The following CCNY variants were observed in gnomAD, a reference collection of about 807,000 sequenced individuals.
The protein encoded by CCNY is cyclin Y.
Under a neutral mutation model 42.8 loss-of-function variants are expected in CCNY, and 19 were observed. The ratio of observed to expected loss-of-function variants is 0.44; its 90% CI spans 0.31 to 0.65. The LOEUF is 0.65. CCNY is among the 30% of genes least tolerant of loss of function. CCNY has a pLI of 0.07. For missense variants in CCNY, 370 were observed against 437.3 expected (o/e 0.85, Z 1.37); for synonymous variants, 165 against 162.7 (o/e 1.01, Z -0.11).
At chr10:35,276,597 G>A (rs897844827) in intron 3 of CCNY, among the ~76,000 whole-genome samples, 1 of 152,080 alleles carries the variant, frequency 6.6e-6, no homozygotes, top group African/African-American at 2.4e-5. Flanking sequence ...TGTTCCCCAG[G>A]CTGGTCTCAA....
intron 1 of CCNY, among the ~76,000 whole-genome samples, chr10:35,344,571 T>A (rs991672482): frequency 2.6e-5 from 4 of 151,954 alleles, no homozygotes; most frequent in African/African-American, 9.7e-5. Flanking sequence ...ATACTTTATT[T>A]CTTTTTTACT....
intron 1 of CCNY, among the ~76,000 whole-genome samples, chr10:35,436,296 T>C (rs554128139): frequency 6.6e-6 from 1 of 152,246 alleles, no homozygotes; most frequent in Non-Finnish European, 1.5e-5. Flanking sequence ...CTGATCCTTA[T>C]GGGTCCCCCA....
intron 7 of CCNY, among the ~76,000 whole-genome samples, chr10:35,541,472 T>C (rs1840999325): frequency 1.3e-5 from 2 of 152,244 alleles, no homozygotes; most frequent in Non-Finnish European, 2.9e-5. Flanking sequence ...TTCATGGCTC[T>C]CTGCAGTCTC....
At chr10:35,468,859 A>G (rs112359510) in intron 1 of CCNY, among the ~76,000 whole-genome samples, 1 of 152,192 alleles carries the variant, frequency 6.6e-6, no homozygotes, top group African/African-American at 2.4e-5. Context: ...AGTTGCTGGG[A>G]GATTGGGCAG....
At chr10:35,400,311 G>A (rs1433673473) in intron 1 of CCNY, among the ~76,000 whole-genome samples, 2 of 152,028 alleles carry the variant, frequency 1.3e-5, no homozygotes, top group Non-Finnish European at 2.9e-5. Flanking sequence ...TTCCCCTCTT[G>A]GAGAGGAAGC....
intron 7 of CCNY, among the ~76,000 whole-genome samples, chr10:35,539,981 T>G (rs1840965834): frequency 6.6e-6 from 1 of 152,228 alleles, no homozygotes; most frequent in Non-Finnish European, 1.5e-5. Flanking sequence ...CAGTAGATTC[T>G]TTAGAATGTT....
chr10:35,503,434 C>T (rs1049700257), intron 3 of CCNY, among the ~76,000 whole-genome samples: 3 of 152,192 alleles, frequency 2.0e-5, no homozygotes, highest in African/African-American at 4.8e-5. Flanking sequence ...TGCAAATGAG[C>T]GCCATCAGTC....
intron 3 of CCNY, among the ~76,000 whole-genome samples, chr10:35,263,356 CAAAAAAAAAAAA>C (rs71523372): frequency 2.3e-5 from 1 of 44,298 alleles, no homozygotes; most frequent in Non-Finnish European, 4.1e-5. Flanking sequence ...GACTCCGTCT[CAAAAAAAAAAAA>C]AAAAAAAAAA....
At chr10:35,256,954 A>G (rs546187679) in intron 3 of CCNY, among the ~76,000 whole-genome samples, 2 of 152,304 alleles carry the variant, frequency 1.3e-5, no homozygotes, top group African/African-American at 4.8e-5. Flanking sequence ...TAATTTTTAA[A>G]AATGTATTAG....
At chr10:35,352,587 A>C (rs1264842751) in intron 1 of CCNY, among the ~76,000 whole-genome samples, 1 of 152,250 alleles carries the variant, frequency 6.6e-6, no homozygotes, top group African/African-American at 2.4e-5. Context: ...ACCATTGGTC[A>C]GTCCAAGTTC....
In CCNY at chr10:35,571,423, T is replaced by C. The variant is rs1213509053; in HGVS notation, c.*2253T>C. 1 of 152,394 alleles carries C rather than the reference T, an allele frequency of 6.6e-6. No individual in the cohort carries two copies. The highest frequency in any genetic ancestry group is 2.4e-5 in the African/African-American group (1 of 41,470). The allele number at this position is 152,394 out of a possible 1,614,324, so 9.4% of individuals were successfully genotyped here. On this transcript the variant is annotated 3_prime_UTR_variant, in exon 10 of 10. Transcript: ENST00000374704. ...CAGACTCAAGTCTTGTTTAGACTACTGAATACTGTTTTAGCCTGTGCCCTG... is the reference window on the plus strand; with the variant it reads ...CAGACTCAAGTCTTGTTTAGACTACCGAATACTGTTTTAGCCTGTGCCCTG...
intron 1 of CCNY, among the ~76,000 whole-genome samples, chr10:35,406,007 C>T (rs575566913): frequency 4.6e-5 from 7 of 152,170 alleles, no homozygotes; most frequent in Non-Finnish European, 8.8e-5. Context: ...GTTTGGAGTT[C>T]TTGTGTGCTG....
chr10:35,258,926 A>G (rs1376486244), intron 3 of CCNY, among the ~76,000 whole-genome samples: 1 of 138,266 alleles, frequency 7.2e-6, no homozygotes, highest in Non-Finnish European at 1.5e-5. Context: ...ACAGAGAGAG[A>G]CTGTCTTAAA....
intron 3 of CCNY, among the ~76,000 whole-genome samples, chr10:35,511,102 A>G (rs895611930): frequency 2.6e-5 from 4 of 152,226 alleles, no homozygotes; most frequent in Non-Finnish European, 4.4e-5. Flanking sequence ...ATTGCCACAC[A>G]GCATGCCCCT....
chr10:35,441,490 G>C (rs1838667291), intron 1 of CCNY, among the ~76,000 whole-genome samples: 1 of 152,194 alleles, frequency 6.6e-6, no homozygotes, highest in African/African-American at 2.4e-5. Context: ...TAGGAGGCTG[G>C]GCGCAGTGGC....
At chr10:35,393,886 T>TAGCGAG (rs1487357546) in intron 1 of CCNY, among the ~76,000 whole-genome samples, 2 of 152,078 alleles carry the variant, frequency 1.3e-5, no homozygotes, top group African/African-American at 2.4e-5. Flanking sequence ...CCTGGCAACA[T>TAGCGAG]AGCGAGACCC....
At chr10:35,335,921 CA>C (rs71033392), upstream of CCNY, 53,279 of 152,222 alleles carry the variant, frequency 0.35, 9,896 homozygotes, top group African/African-American at 0.44. Context: ...CACACACACA[CA>C]CACACCTTAG....
At chr10:35,565,901 A>G (rs1477476161) in intron 8 of CCNY, 122 bp from the exon 9 acceptor site, 2 of 941,032 alleles carry the variant, frequency 2.1e-6, no homozygotes, top group African/African-American at 3.3e-5. Flanking sequence ...ACATTTACTT[A>G]GATCACTGGT....
chr10:35,345,466 C>CAAA (rs568926736), intron 1 of CCNY, among the ~76,000 whole-genome samples: 2 of 68,454 alleles, frequency 2.9e-5, no homozygotes, highest in Admixed American at 1.7e-4. Flanking sequence ...GACTCCATCT[C>CAAA]AAAAAAAAAA....
Sources: gnomAD v4.1 joint callset for allele counts (sites outside exome capture counted in the v4.1 genomes callset) on GRCh38, gnomAD v4.1.1 for gene constraint, MANE v1.5 for transcripts, NCBI Gene and HGNC (gene_info 2026-07-23, HGNC 2026-07-21) for gene names.